Variants in NBN observed in about 807,000 individuals in gnomAD.
The protein encoded by NBN is Nijmegen breakage syndrome 1 (nibrin).
NBN carries 88 observed loss-of-function variants against 90.8 expected under a neutral mutation model. The ratio of observed to expected loss-of-function variants is 0.97; its 90% CI spans 0.82 to 1.16. The LOEUF (loss-of-function observed/expected upper bound fraction) is 1.16, where lower values mean the gene tolerates loss of function less well. Among genes scored for constraint, NBN ranks in the 50% most tolerant of loss-of-function variants. NBN has a pLI of 0.00. For synonymous variants in NBN, 328 were observed against 295.1 expected, an observed-to-expected ratio of 1.11 and a Z score of -1.14; for missense variants, 894 against 869.6, an observed-to-expected ratio of 1.03 and a Z score of -0.35.
At position 89,934,254 on chromosome 8, in the gene NBN, ATGTTCTATCCAATGTCATACC is replaced by A. The variant is rs2130732856; in HGVS notation, c.*1307_*1327del. 1 of 232,144 alleles carries A rather than the reference ATGTTCTATCCAATGTCATACC, an allele frequency of 4.3e-6. No individual in the cohort carries two copies. Among genetic ancestry groups the A allele is most frequent in the African/African-American group, 2.2e-5 (1 of 45,402 alleles). The allele number at this position is 232,144 out of a possible 1,614,324, so 14.4% of individuals were successfully genotyped here. On this transcript the variant is annotated 3_prime_UTR_variant, in exon 16 of 16. Coordinates refer to ENST00000265433, the MANE Select transcript of NBN (RefSeq NM_002485.5). ...GTCAATTCTACTTCTAAAGTATCCC[ATGTTCTATCCAATGTCATACC>A]ACTATCATAATTTAAGTGTTCATAA...
intron 7 of NBN, among the ~76,000 whole-genome samples, chr8:89,969,967 G>A (rs565016630): frequency 6.8e-6 from 1 of 147,888 alleles, no homozygotes; most frequent in African/African-American, 2.5e-5. Flanking sequence ...ATAAAAAATA[G>A]GCCAGGCACG....
rs1810986176 is a variant in NBN at position 89,961,413 on chromosome 8, T to C, written c.995-2559A>G. Among the ~76,000 whole-genome samples the C allele has an allele frequency of 2.0e-5, 3 of 152,212 alleles. No homozygotes were observed. In the South Asian group the frequency reaches 6.2e-4, roughly 31 times the overall value. ...AAAGAGGTGTGGAAACAACTGGTTA[T>C]ATCCAAAGTAGGAAGAAACTCCGGC... On this transcript the variant is annotated intron_variant, in intron 8 of 15. Coordinates refer to ENST00000265433, the MANE Select transcript of NBN (RefSeq NM_002485.5).
At chr8:89,950,129 C>A (rs1810381218) in intron 11 of NBN, among the ~76,000 whole-genome samples, 2 of 152,148 alleles carry the variant, frequency 1.3e-5, no homozygotes, top group African/African-American at 4.8e-5. Context: ...AACAGAAATA[C>A]TTTTGTAGCT....
Position 89,933,523 on chromosome 8 carries a change from T to G in NBN, c.*2059A>C, listed in dbSNP as rs755199398. ...TTTTTTACTAATTGGCAAGGTAATT[T>G]AATGAGGAAAGGATAATTCTTTCAA... On this transcript the variant is annotated 3_prime_UTR_variant, in exon 16 of 16. Transcript: ENST00000265433. 1.9e-4 allele frequency: 43 copies of G among 231,024 alleles called. No individual in the cohort carries two copies. Among genetic ancestry groups the G allele is most frequent in the Non-Finnish European group, 3.3e-4 (39 of 116,884 alleles). 14.3% of individuals were successfully genotyped at this position (231,024 alleles called of 1,614,324 possible). A position where few individuals can be genotyped will look rare whatever the true frequency, so the allele number is the denominator to read the frequency against.
At chr8:89,942,754 C>T (rs532662612) in intron 14 of NBN, among the ~76,000 whole-genome samples, 1 of 147,572 alleles carries the variant, frequency 6.8e-6, no homozygotes, top group Admixed American at 6.7e-5. Context: ...ATGAAATACA[C>T]AGGAAAGACA....
At chr8:89,966,400 A>G (rs985684507) in intron 7 of NBN, among the ~76,000 whole-genome samples, 1 of 152,240 alleles carries the variant, frequency 6.6e-6, no homozygotes, top group Non-Finnish European at 1.5e-5. Context: ...ATTTCTTTAC[A>G]GCAGTAGTGA....
chr8:89,948,014 AT>A (rs1298063169), intron 11 of NBN, 122 bp from the exon 12 acceptor site: 2 of 582,244 alleles, frequency 3.4e-6, no homozygotes, highest in Non-Finnish European at 6.1e-6. Flanking sequence ...CTTAAGAGAT[AT>A]TCATGTTATG....
chr8:89,947,073 A>G (rs1810224783), intron 12 of NBN, among the ~76,000 whole-genome samples: 1 of 152,216 alleles, frequency 6.6e-6, no homozygotes, highest in Non-Finnish European at 1.5e-5. Flanking sequence ...AAAGTCAGAA[A>G]AAAAGGTTCA....
chr8:89,935,377 A>G lies in NBN; in HGVS notation c.*205T>C. Reference sequence around the variant, plus strand: ...CAAAACACATTTAAAAATGAAAAAAAGATGCAATGACAAAGCCTGAAAACA... The same window carrying G: ...CAAAACACATTTAAAAATGAAAAAAGGATGCAATGACAAAGCCTGAAAACA... On this transcript the variant is annotated 3_prime_UTR_variant, in exon 16 of 16. Coordinates refer to ENST00000265433, the MANE Select transcript of NBN (RefSeq NM_002485.5). 3.6e-6 allele frequency: 2 copies of G among 550,766 alleles called. No individual in the cohort carries two copies. The highest frequency in any genetic ancestry group is 3.2e-6 in the Non-Finnish European group (1 of 314,888). The allele number at this position is 550,766 out of a possible 1,614,324, so 34.1% of individuals were successfully genotyped here. A position where few individuals can be genotyped will look rare whatever the true frequency, so the allele number is the denominator to read the frequency against.
chr8:89,957,113 A>T (rs1810755033), intron 9 of NBN, among the ~76,000 whole-genome samples: 2 of 150,632 alleles, frequency 1.3e-5, no homozygotes, highest in African/African-American at 5.0e-5. Flanking sequence ...TAAAAAAAAT[A>T]ACTTTAAAAC....
At chr8:89,972,588 C>T (rs1811567289) in intron 5 of NBN, among the ~76,000 whole-genome samples, 1 of 152,176 alleles carries the variant, frequency 6.6e-6, no homozygotes, top group Admixed American at 6.5e-5. Flanking sequence ...GACATTCGGA[C>T]ACATAAAAAG....
chr8:89,975,992 A>T (rs926032468), intron 5 of NBN, among the ~76,000 whole-genome samples: 1 of 152,154 alleles, frequency 6.6e-6, no homozygotes, highest in East Asian at 1.9e-4. Flanking sequence ...AAGTTTCTTG[A>T]GGTGAGATCA....
chr8:89,976,182 C>T (rs1367618617), intron 5 of NBN, among the ~76,000 whole-genome samples: 2 of 152,066 alleles, frequency 1.3e-5, no homozygotes, highest in African/African-American at 2.4e-5. Context: ...GTATGTTGGT[C>T]CCACTGGTCT....
In NBN at chr8:89,935,160, G is replaced by A. The variant is rs1021216998; in HGVS notation, c.*422C>T. 7.9e-5 allele frequency: 21 copies of A among 265,268 alleles called. No homozygotes were observed. The highest frequency in any genetic ancestry group is 4.4e-4 in the African/African-American group (20 of 45,608). 16.4% of individuals were successfully genotyped at this position (265,268 alleles called of 1,614,324 possible). ...CTGCATATGTTATGCTATCATTTGT[G>A]TAGGAAATTATTTAAAAATAGGAAT... On this transcript the variant is annotated 3_prime_UTR_variant, in exon 16 of 16. Coordinates refer to ENST00000265433, the MANE Select transcript of NBN (RefSeq NM_002485.5).
intron 13 of NBN, among the ~76,000 whole-genome samples, chr8:89,945,092 C>A (rs1410781136): frequency 6.6e-6 from 1 of 152,072 alleles, no homozygotes; most frequent in East Asian, 1.9e-4. Flanking sequence ...GTTAATAAAC[C>A]ACTCTGTGCC....
intron 8 of NBN, among the ~76,000 whole-genome samples, chr8:89,959,724 A>G (rs1244610786): frequency 6.6e-6 from 1 of 152,264 alleles, no homozygotes; most frequent in East Asian, 1.9e-4. Context: ...ATGGCACTCC[A>G]GCCTAAGACC....
chr8:89,980,670 T>C (rs2129907464), intron 4 of NBN, 64 bp downstream of exon 4: 2 of 1,387,720 alleles, frequency 1.4e-6, no homozygotes, highest in Non-Finnish European at 2.0e-6. Flanking sequence ...AAAATCTGTG[T>C]ATAGTGGGTA....
At chr8:89,972,422 G>A (rs1811559941) in intron 5 of NBN, among the ~76,000 whole-genome samples, 1 of 152,180 alleles carries the variant, frequency 6.6e-6, no homozygotes, top group Admixed American at 6.5e-5. Context: ...TCACTTGGCA[G>A]GACAGAATGC....
rs876659551 is a variant in NBN at position 89,937,031 on chromosome 8, AAG to A, written c.2227_2228del (p.Leu743PhefsTer2). ...AAAGGTGAATCAAACTTTACCTAAA[AAG>A]ATCATCAGCAAGAGACTCTTCTTTT... Reference protein sequence around the residue: ...HAKEESLADDLFRYNPYLKRR... With the variant: ...HAKEESLADDXFRYNPYLKRR... On this transcript the variant is annotated frameshift_variant, in exon 15 of 16. Transcript: ENST00000265433. LOFTEE classifies it high-confidence loss of function. 1 of 1,610,252 alleles carries A rather than the reference AAG, an allele frequency of 6.2e-7. No homozygotes were observed. Among genetic ancestry groups the A allele is most frequent in the Non-Finnish European group, 8.5e-7 (1 of 1,177,170 alleles).
Sources: allele counts gnomAD v4.1 joint callset (sites outside exome capture counted in the v4.1 genomes callset), GRCh38; gene constraint gnomAD v4.1.1; transcripts MANE v1.5; gene names NCBI Gene and HGNC (gene_info 2026-07-23, HGNC 2026-07-21).